BUB1: variants seen among roughly 807,000 people sequenced by gnomAD.
The protein encoded by BUB1 is mitotic checkpoint serine/threonine-protein kinase BUB1.
Under a neutral mutation model 135.2 loss-of-function variants are expected in BUB1, and 84 were observed. That is an observed-to-expected ratio of 0.62 (90% CI 0.52 to 0.74). The LOEUF (loss-of-function observed/expected upper bound fraction) is 0.74. BUB1 is among the 30% of genes least tolerant of loss of function. The pLI is 0.00. For missense variants in BUB1, 1,162 were observed against 1,288.3 expected, an observed-to-expected ratio of 0.90 and a Z score of 1.50; for synonymous variants, 403 against 434.4, an observed-to-expected ratio of 0.93 and a Z score of 0.90.
At chr2:110,664,981 C>A (rs568806641) in intron 9 of BUB1, among the ~76,000 whole-genome samples, 1 of 152,144 alleles carries the variant, frequency 6.6e-6, no homozygotes, top group Non-Finnish European at 1.5e-5. Flanking sequence ...AATGTGAGTG[C>A]ACAGTCCGAA....
At chr2:110,639,682 G>T in intron 24 of BUB1, 60 bp downstream of exon 24, 2 of 1,332,338 alleles carry the variant, frequency 1.5e-6, no homozygotes, top group Non-Finnish European at 2.1e-6. Flanking sequence ...TTGCCAGATG[G>T]AACCCAACAT....
At chr2:110,652,693 A>AC (rs1689817852) in intron 17 of BUB1, among the ~76,000 whole-genome samples, 1 of 151,934 alleles carries the variant, frequency 6.6e-6, no homozygotes, top group African/African-American at 2.4e-5. Context: ...CTCCACATAC[A>AC]CCCCCAATCA....
chr2:110,644,058 C>CAAAAAAAAAAAAAAAAAAAAAAAAAAA (rs58393999), intron 19 of BUB1, among the ~76,000 whole-genome samples: 20 of 39,662 alleles, frequency 5.0e-4, no homozygotes, highest in Non-Finnish European at 6.4e-4. Flanking sequence ...AACTGAAATG[C>CAAAAAAAAAAAAAAAAAAAAAAAAAAA]AAAAAAAAAA....
At position 110,637,922 on chromosome 2, in the gene BUB1, A is replaced by G. The variant is rs974004871; in HGVS notation, c.*42T>C. ...AAACAGGTTTAAAGTGAGCAGATTCATATTTACAGTGTGATTTTTAAGGAC... is the reference window on the plus strand; with the variant it reads ...AAACAGGTTTAAAGTGAGCAGATTCGTATTTACAGTGTGATTTTTAAGGAC... On this transcript the variant is annotated 3_prime_UTR_variant, in exon 25 of 25. Coordinates refer to ENST00000302759, the MANE Select transcript of BUB1 (RefSeq NM_004336.5). 7.7e-7 allele frequency: 1 copy of G among 1,304,402 alleles called. No homozygotes were observed. The highest frequency in any genetic ancestry group is 1.0e-6 in the Non-Finnish European group (1 of 990,826). The allele number at this position is 1,304,402 out of a possible 1,614,324, so 80.8% of individuals were successfully genotyped here. A position where few individuals can be genotyped will look rare whatever the true frequency, so the allele number is the denominator to read the frequency against.
At position 110,669,563 on chromosome 2, in the gene BUB1, A is replaced by C. The variant is rs756087364; in HGVS notation, c.467-10T>G. On this transcript the variant is annotated splice_polypyrimidine_tract_variant and intron_variant, in intron 5 of 24. Transcript: ENST00000302759. ...GGTTCTGAGGTTCTAGCTATGAGGG[A>C]AAAGAGGATAAAATACGGAGAAATT... 3 of 1,535,014 alleles carry C rather than the reference A, an allele frequency of 2.0e-6. No individual in the cohort carries two copies. In the South Asian group the frequency reaches 3.4e-5, roughly 17 times the overall value.
chr2:110,673,993 A>C (rs1310827968), intron 3 of BUB1, 93 bp downstream of exon 3: 5 of 1,034,668 alleles, frequency 4.8e-6, no homozygotes, highest in Non-Finnish European at 5.6e-6. Flanking sequence ...AGAAACAAGG[A>C]ATTAAAAGCC....
At chr2:110,647,556 T>A (rs1211900228) in intron 19 of BUB1, among the ~76,000 whole-genome samples, 3 of 147,456 alleles carry the variant, frequency 2.0e-5, no homozygotes, top group Non-Finnish European at 3.0e-5. Context: ...CACTTATGAT[T>A]AAAAAAAAAA....
chr2:110,655,953 C>A, intron 15 of BUB1, 37 bp from the exon 16 acceptor site: 1 of 1,591,018 alleles, frequency 6.3e-7, no homozygotes, highest in East Asian at 2.2e-5. Context: ...AAGCAGCAAT[C>A]TCCCTCTTTA....
chr2:110,641,916 T>C (rs1329775284), intron 20 of BUB1, 113 bp from the exon 21 acceptor site: 2 of 1,242,146 alleles, frequency 1.6e-6, no homozygotes, highest in East Asian at 4.7e-5. Context: ...TGACAAGCTA[T>C]GAACTGTTGC....
At chr2:110,653,854 A>T (rs1312566894) in intron 16 of BUB1, among the ~76,000 whole-genome samples, 1 of 152,050 alleles carries the variant, frequency 6.6e-6, no homozygotes, top group Non-Finnish European at 1.5e-5. Flanking sequence ...AACTTTTTAA[A>T]ATTAACCAGA....
At chr2:110,652,717 C>T (rs1689818217) in intron 17 of BUB1, among the ~76,000 whole-genome samples, 4 of 152,182 alleles carry the variant, frequency 2.6e-5, no homozygotes, top group Non-Finnish European at 5.9e-5. Flanking sequence ...TCTACCTAAA[C>T]ATACTGAAGT....
At chr2:110,641,243 C>A (rs754284677) in intron 22 of BUB1, 38 bp from the exon 23 acceptor site, 1 of 1,585,928 alleles carries the variant, frequency 6.3e-7, no homozygotes, top group Non-Finnish European at 8.6e-7. Flanking sequence ...TGCATGAGCA[C>A]AAATGATGAA....
At chr2:110,670,135 T>TG (rs1690380560) in intron 5 of BUB1, among the ~76,000 whole-genome samples, 1 of 137,608 alleles carries the variant, frequency 7.3e-6, no homozygotes, top group Non-Finnish European at 1.5e-5. Context: ...GGTTTTTTTT[T>TG]TTTTTTTTTT....
At chr2:110,677,889 G>A (rs1473271895) in intron 1 of BUB1, 81 bp downstream of exon 1, 6 of 1,489,086 alleles carry the variant, frequency 4.0e-6, no homozygotes, top group African/African-American at 1.4e-5. Flanking sequence ...GGCAAAAGAA[G>A]GCAGGTCTGG....
chr2:110,676,392 C>G (rs1400385274), intron 1 of BUB1: 1 of 152,200 alleles, frequency 6.6e-6, no homozygotes, highest in Non-Finnish European at 1.5e-5. Flanking sequence ...TCTGTCGCAT[C>G]TTGCTTGTAG....
Position 110,641,238 on chromosome 2 carries a change from G to A in BUB1, c.2784-33C>T, listed in dbSNP as rs1272367434. On this transcript the variant is annotated intron_variant, in intron 22 of 24. Transcript: ENST00000302759. ...AAACACAAACAAAGCCAGGCTGCAT[G>A]AGCACAAATGATGAAAGGCTGCTAT... 1.2e-5 allele frequency: 19 copies of A among 1,585,350 alleles called. No homozygotes were observed. In the Admixed American group the frequency reaches 2.2e-4, roughly 18 times the overall value.
chr2:110,658,482 C>G lies in BUB1; in HGVS notation c.1444G>C (p.Asp482His). The change falls in exon 13 of 25, where the codon GAT becomes CAT. Residue 482 changes from aspartate (D) to histidine (H), a missense_variant. Physicochemically the swap from Asp to His is moderately conservative, Grantham distance 81. Transcript: ENST00000302759. The part of the protein sequence containing the change: ...MNMFQAPTLP[D>H]ISDDKDEWQS... ...CATTCATCTTTGTCATCAGAAATAT[C>G]AGGAAGTGTAGGAGCCTGAAACATA... 2 of 1,614,028 alleles carry G rather than the reference C, an allele frequency of 1.2e-6. No homozygotes were observed. The highest frequency in any genetic ancestry group is 1.7e-6 in the Non-Finnish European group (2 of 1,179,998).
chr2:110,657,627 C>T lies in BUB1; in HGVS notation c.1535G>A (p.Gly512Glu). The change falls in exon 14 of 25, where the codon GGG (glycine) becomes GAG (glutamate). Residue 512 changes from glycine (G) to glutamate (E), a missense_variant. By Grantham distance (98) the Gly-to-Glu change is moderately conservative (BLOSUM62 -2). Coordinates refer to ENST00000302759, the MANE Select transcript of BUB1 (RefSeq NM_004336.5). Reference protein sequence around the residue: ...AQFQKNVRSSGAWGVNKIISS... With the variant: ...AQFQKNVRSSEAWGVNKIISS... Reference sequence around the variant, plus strand: ...GATGATCTTATTGACTCCCCAAGCCCCAGATGACCTTACATTTTCTGCAAC... The same window carrying T: ...GATGATCTTATTGACTCCCCAAGCCTCAGATGACCTTACATTTTCTGCAAC... 6.3e-7 allele frequency: 1 copy of T among 1,589,380 alleles called. No homozygotes were observed. The highest frequency in any genetic ancestry group is 8.6e-7 in the Non-Finnish European group (1 of 1,167,330).
chr2:110,644,473 C>A (rs1205076241), intron 19 of BUB1, among the ~76,000 whole-genome samples: 2 of 132,304 alleles, frequency 1.5e-5, no homozygotes, highest in African/African-American at 3.1e-5. Context: ...AGCAAAACCC[C>A]GTCTCAAAAA....
Sources: allele counts gnomAD v4.1 joint callset (sites outside exome capture counted in the v4.1 genomes callset), GRCh38; gene constraint gnomAD v4.1.1; transcripts MANE v1.5; gene names NCBI Gene and HGNC (gene_info 2026-07-23, HGNC 2026-07-21).